The following RLF variants were observed in gnomAD, a reference collection of about 807,000 sequenced individuals.
RLF encodes zinc finger protein Rlf.
Under a neutral mutation model 162.9 loss-of-function variants are expected in RLF, and 7 were observed. The ratio of observed to expected loss-of-function variants is 0.04; its 90% CI spans 0.02 to 0.08. RLF has a LOEUF of 0.08. Among genes scored for constraint, RLF ranks in the 10% least tolerant of loss-of-function variants. RLF has a pLI of 1.00. For missense variants in RLF, 1,664 were observed against 2,244.7 expected (o/e 0.74, Z 5.23); for synonymous variants, 782 against 791.5 (o/e 0.99, Z 0.20).
intron 1 of RLF, among the ~76,000 whole-genome samples, chr1:40,181,702 T>A (rs1412978753): frequency 6.6e-6 from 1 of 152,230 alleles, no homozygotes; most frequent in Non-Finnish European, 1.5e-5. Flanking sequence ...ATTAAGCTGA[T>A]CCTCACAAGT....
intron 6 of RLF, among the ~76,000 whole-genome samples, chr1:40,226,782 T>C (rs1643084366): frequency 6.6e-6 from 1 of 152,220 alleles, no homozygotes; most frequent in Admixed American, 6.5e-5. Flanking sequence ...TGAATCTCAG[T>C]GTAACATGTT....
At position 40,240,375 on chromosome 1, in the gene RLF, T is replaced by G. The variant is rs1196937707; in HGVS notation, c.5673T>G (p.Ser1891=). 5 of 1,614,044 alleles carry G rather than the reference T, an allele frequency of 3.1e-6. No homozygotes were observed. In the South Asian group the frequency reaches 4.4e-5, roughly 14 times the overall value. ...YLRPVVVLER[S]KFSTPILDLF... is the part of the protein sequence containing the mutation. ...GGCCAGTGGTGGTTCTTGAAAGATC[T>G]AAGTTTTCCACACCAATTTTAGACT... Residue 1891 remains serine, a synonymous_variant, in exon 8 of 8, where the codon TCT becomes TCG. Coordinates refer to ENST00000372771, the MANE Select transcript of RLF (RefSeq NM_012421.4).
At chr1:40,226,277 C>G (rs1374550757) in intron 6 of RLF, among the ~76,000 whole-genome samples, 1 of 152,008 alleles carries the variant, frequency 6.6e-6, no homozygotes, top group Admixed American at 6.6e-5. Context: ...GTAGATGCCT[C>G]TCAGTGGTAA....
intron 7 of RLF, 78 bp from the exon 8 acceptor site, chr1:40,235,714 T>G: frequency 3.7e-6 from 4 of 1,084,648 alleles, no homozygotes; most frequent in Admixed American, 3.0e-5. Flanking sequence ...TTTTACAAGC[T>G]AAAATTCCTT....
intron 5 of RLF, among the ~76,000 whole-genome samples, chr1:40,213,155 G>T (rs1010741973): frequency 6.6e-6 from 1 of 152,132 alleles, no homozygotes; most frequent in Admixed American, 6.6e-5. Flanking sequence ...AAGAAATTGA[G>T]GATTTGCTTG....
chr1:40,201,570 G>A (rs1198284728), intron 4 of RLF, among the ~76,000 whole-genome samples: 1 of 146,612 alleles, frequency 6.8e-6, no homozygotes, highest in Admixed American at 7.0e-5. Context: ...AGCTTGCAGT[G>A]AGCCAAGATC....
chr1:40,197,187 G>A (rs943591989), intron 4 of RLF, among the ~76,000 whole-genome samples: 7 of 152,020 alleles, frequency 4.6e-5, no homozygotes, highest in East Asian at 3.9e-4. Flanking sequence ...CTCTTGATCC[G>A]TTTCCTCTGA....
Position 40,236,289 on chromosome 1 carries a change from A to G in RLF, c.1587A>G (p.Thr529=), listed in dbSNP as rs1253195587. The change falls in exon 8 of 8, where the codon ACA becomes ACG. Residue 529 remains threonine (T), a synonymous_variant. Coordinates refer to ENST00000372771, the MANE Select transcript of RLF (RefSeq NM_012421.4). The surrounding 1 kb of genome is among the most constrained non-coding windows in gnomAD (Gnocchi z 7.7). ...EDKQYRRRDL[T]DQHKEKRDKK... Reference sequence around the variant, plus strand: ...AACAATATAGAAGAAGAGATTTGACAGATCAGCATAAGGAGAAAAGAGACA... The same window carrying G: ...AACAATATAGAAGAAGAGATTTGACGGATCAGCATAAGGAGAAAAGAGACA... 1 of 1,614,048 alleles carries G rather than the reference A, an allele frequency of 6.2e-7. No homozygotes were observed. The highest frequency in any genetic ancestry group is 1.6e-4 in the Middle Eastern group (1 of 6,062).
chr1:40,197,088 C>G (rs186270938), intron 4 of RLF, among the ~76,000 whole-genome samples: 3 of 152,250 alleles, frequency 2.0e-5, no homozygotes, highest in African/African-American at 7.2e-5. Flanking sequence ...GTTAGTTTAT[C>G]CATTCACCAA....
At chr1:40,210,061 C>T (rs1642846952) in intron 5 of RLF, among the ~76,000 whole-genome samples, 1 of 152,154 alleles carries the variant, frequency 6.6e-6, no homozygotes, top group Non-Finnish European at 1.5e-5. Context: ...GCACCTGACA[C>T]ATGCCAAAAC....
intron 1 of RLF, among the ~76,000 whole-genome samples, chr1:40,183,719 C>A (rs919322615): frequency 1.8e-4 from 27 of 151,694 alleles, no homozygotes; most frequent in African/African-American, 6.5e-4. Context: ...CCAAATAATT[C>A]AATCTCTCAT....
At chr1:40,228,621 AC>A (rs1643111845) in intron 6 of RLF, among the ~76,000 whole-genome samples, 1 of 151,946 alleles carries the variant, frequency 6.6e-6, no homozygotes, top group Non-Finnish European at 1.5e-5. Context: ...TTAGTTCTCA[AC>A]CTGCCTTTTA....
intron 3 of RLF, among the ~76,000 whole-genome samples, chr1:40,193,471 T>G (rs1642588176): frequency 6.6e-6 from 1 of 152,180 alleles, no homozygotes; most frequent in Non-Finnish European, 1.5e-5. Context: ...TGGTAGTATT[T>G]TCTGCTAAAG....
At position 40,238,220 on chromosome 1, in the gene RLF, A is replaced by T. The variant is rs749568325; in HGVS notation, c.3518A>T (p.Gln1173Leu). 1.2e-6 allele frequency: 2 copies of T among 1,614,032 alleles called. No individual in the cohort carries two copies. Among genetic ancestry groups the T allele is most frequent in the African/African-American group, 2.7e-5 (2 of 74,930 alleles). ...TMFQHRYSPF[Q>L]CHICQRSFTR... ...TTCCAACATCGGTATTCCCCATTTC[A>T]GTGTCATATTTGCCAAAGGTCATTT... is the stretch of plus-strand genomic sequence containing the variant. The change falls in exon 8 of 8, where the codon CAG becomes CTG. Residue 1173 changes from glutamine to leucine, a missense_variant. Physicochemically the swap from Gln to Leu is moderately radical, Grantham distance 113. Around this residue, in one of 15 missense-constraint regions of RLF, gnomAD observed 30 missense variants for 116.5 expected, o/e 0.26. Coordinates refer to ENST00000372771, the MANE Select transcript of RLF (RefSeq NM_012421.4). This position sits in a 1 kb window ranked among gnomAD's most constrained non-coding sequence, Gnocchi z 5.2.
intron 5 of RLF, among the ~76,000 whole-genome samples, chr1:40,213,115 A>T (rs1052211197): frequency 6.6e-6 from 1 of 152,264 alleles, no homozygotes; most frequent in African/African-American, 2.4e-5. Context: ...TAATACACTC[A>T]GAATACACTA....
At chr1:40,213,695 A>T (rs567102022) in intron 5 of RLF, among the ~76,000 whole-genome samples, 2 of 152,344 alleles carry the variant, frequency 1.3e-5, no homozygotes, top group South Asian at 4.1e-4. Flanking sequence ...ATCTACTTTG[A>T]TTCCTTTTTG....
At chr1:40,225,175 C>A (rs956147404) in intron 6 of RLF, among the ~76,000 whole-genome samples, 1 of 151,974 alleles carries the variant, frequency 6.6e-6, no homozygotes. Context: ...AGTTAAAATA[C>A]AATAATAAAA....
rs1192852067 is a variant in RLF at position 40,236,585 on chromosome 1, T to G, written c.1883T>G (p.Ile628Ser). The change falls in exon 8 of 8, where the codon ATT becomes AGT. Residue 628 changes from isoleucine (I) to serine (S), a missense_variant. Ile to Ser is a moderately radical substitution (Grantham distance 142). Transcript: ENST00000372771. The surrounding 1 kb of genome is among the most constrained non-coding windows in gnomAD (Gnocchi z 7.7). ...CTGTTAAAAGGCTCTCAAAAGGGTATTTGTCCTAAGAGCCCCTCTGCAATC... is the reference window on the plus strand; with the variant it reads ...CTGTTAAAAGGCTCTCAAAAGGGTAGTTGTCCTAAGAGCCCCTCTGCAATC... ...KLLLKGSQKG[I>S]CPKSPSAIPE... 1.9e-6 allele frequency: 3 copies of G among 1,614,134 alleles called. No individual in the cohort carries two copies. The South Asian group carries it at 3.3e-5, about 18-fold the overall frequency.
chr1:40,177,277 T>C (rs932300710), intron 1 of RLF, among the ~76,000 whole-genome samples: 5 of 151,462 alleles, frequency 3.3e-5, no homozygotes, highest in Admixed American at 2.6e-4. Context: ...GCCTTAACAG[T>C]GTATTTCTTT....
Sources: gnomAD v4.1 joint callset for allele counts (sites outside exome capture counted in the v4.1 genomes callset) on GRCh38, gnomAD v4.1.1 for gene constraint, gnomAD v4.1.1 regional missense constraint, Gnocchi (gnomAD v3.1) non-coding constraint, MANE v1.5 for transcripts, NCBI Gene and HGNC (gene_info 2026-07-23, HGNC 2026-07-21) for gene names.